Variants in SCN7A observed in about 807,000 individuals in gnomAD.
The protein encoded by SCN7A is sodium voltage-gated channel alpha subunit 7.
SCN7A carries 138 observed loss-of-function variants against 155.2 expected under a neutral mutation model. The observed-to-expected ratio is 0.89, with a 90% CI of 0.77 to 1.02. SCN7A has a LOEUF of 1.02. Ranked by LOEUF, SCN7A falls within the 50% of genes least tolerant of loss-of-function variation. The probability of loss-of-function intolerance (pLI) is 0.00; values close to 1 mark genes in which losing one functional copy is unlikely to be tolerated. For missense variants in SCN7A, 2,058 were observed against 1,986.6 expected (o/e 1.04, Z -0.68); for synonymous variants, 693 against 649.0 (o/e 1.07, Z -1.03).
chr2:166,486,058 T>C (rs1321719560), intron 2 of SCN7A, among the ~76,000 whole-genome samples: 4 of 152,186 alleles, frequency 2.6e-5, no homozygotes, highest in African/African-American at 9.7e-5. Context: ...AGGTCTTTGA[T>C]ACTAATTGTT....
intron 12 of SCN7A, among the ~76,000 whole-genome samples, chr2:166,446,712 C>A (rs1702071345): frequency 6.6e-6 from 1 of 152,100 alleles, no homozygotes; most frequent in Non-Finnish European, 1.5e-5. Context: ...GAGTTTATGT[C>A]CTTTGCAGGG....
Position 166,491,333 on chromosome 2 carries a change from G to A in SCN7A, c.-128+2635C>T, listed in dbSNP as rs73027656. ...CCTGACCCACACCATCATCAGAGCC[G>A]TCCATTGAGCTGGTTATCCTTGTCC... On this transcript the variant is annotated intron_variant, in intron 1 of 25. Transcript: ENST00000643258. Among the ~76,000 whole-genome samples the A allele has an allele frequency of 5.9e-3, 891 of 152,220 alleles. 10 individuals are homozygous for A. Among genetic ancestry groups the A allele is most frequent in the African/African-American group, 0.02 (842 of 41,522 alleles).
chr2:166,439,051 G>GTA (rs1200483058), intron 15 of SCN7A, among the ~76,000 whole-genome samples: 22 of 67,466 alleles, frequency 3.3e-4, no homozygotes, highest in African/African-American at 1.7e-3. Context: ...ATGTGTGTGT[G>GTA]TGTGTATATA....
At chr2:166,421,406 C>G in intron 19 of SCN7A, 109 bp from the exon 20 acceptor site, 1 of 503,798 alleles carries the variant, frequency 2.0e-6, no homozygotes, top group Non-Finnish European at 3.3e-6. Flanking sequence ...AAAAGCTTAC[C>G]AGTAAATTCG....
chr2:166,491,628 T>C (rs751364576), intron 1 of SCN7A, among the ~76,000 whole-genome samples: 37 of 152,216 alleles, frequency 2.4e-4, no homozygotes, highest in South Asian at 6.2e-4. Flanking sequence ...ACTTGTCTGG[T>C]TGGTTAGTCC....
chr2:166,434,751 G>T (rs1461119649), intron 15 of SCN7A, among the ~76,000 whole-genome samples: 1 of 152,070 alleles, frequency 6.6e-6, no homozygotes, highest in South Asian at 2.1e-4. Flanking sequence ...TTCTTCTATT[G>T]TTTGGCTAAG....
intron 23 of SCN7A, among the ~76,000 whole-genome samples, chr2:166,411,657 C>T (rs934818566): frequency 6.6e-6 from 1 of 151,944 alleles, no homozygotes; most frequent in Admixed American, 6.6e-5. Flanking sequence ...CAAATGGCCA[C>T]AGTGCATGAT....
At chr2:166,437,427 A>C (rs2105424402) in intron 15 of SCN7A, among the ~76,000 whole-genome samples, 1 of 152,314 alleles carries the variant, frequency 6.6e-6, no homozygotes, top group Non-Finnish European at 1.5e-5. Flanking sequence ...ACAGGGGCAG[A>C]GCTCTCATGG....
intron 21 of SCN7A, among the ~76,000 whole-genome samples, chr2:166,416,075 C>T (rs1701369126): frequency 6.6e-6 from 1 of 152,080 alleles, no homozygotes; most frequent in South Asian, 2.1e-4. Flanking sequence ...CTGTCCTATG[C>T]AGTTGAGATA....
chr2:166,465,094 C>T (rs1261415502), intron 9 of SCN7A, among the ~76,000 whole-genome samples: 2 of 152,090 alleles, frequency 1.3e-5, no homozygotes, highest in Non-Finnish European at 2.9e-5. Flanking sequence ...TGAATGTGAT[C>T]GATATCCTCA....
At chr2:166,416,031 G>T (rs1308730676) in intron 21 of SCN7A, among the ~76,000 whole-genome samples, 1 of 152,032 alleles carries the variant, frequency 6.6e-6, no homozygotes. Flanking sequence ...TTCATTCCTG[G>T]AGAGAGGTCT....
chr2:166,484,495 G>A (rs986294213), intron 2 of SCN7A, among the ~76,000 whole-genome samples: 3 of 151,796 alleles, frequency 2.0e-5, no homozygotes, highest in Non-Finnish European at 4.4e-5. Context: ...TTTGCAAAAT[G>A]TGTGAAATTC....
At position 166,406,075 on chromosome 2, in the gene SCN7A, G is replaced by T. The variant is rs1166331697; in HGVS notation, c.4554C>A (p.Phe1518Leu). The T allele has an allele frequency of 6.2e-7, 1 of 1,612,490 alleles. No homozygotes were observed. Among genetic ancestry groups the T allele is most frequent in the Non-Finnish European group, 8.5e-7 (1 of 1,179,234 alleles). ...KTLSEDDFRK[F>L]FQVWKRFDPD... ...GATCAAACCTTTTCCATACCTGAAA[G>T]AATTTCCTAAAATCATCTTCACTCA... The change falls in exon 26 of 26, where the codon TTC (phenylalanine) becomes TTA (leucine). Residue 1518 changes from phenylalanine (F) to leucine (L), a missense_variant. Transcript: ENST00000643258.
chr2:166,435,253 C>A (rs1443399896), intron 15 of SCN7A, among the ~76,000 whole-genome samples: 1 of 152,014 alleles, frequency 6.6e-6, no homozygotes, highest in Admixed American at 6.6e-5. Context: ...AAAAGACAGG[C>A]TGTGTAAGTG....
intron 15 of SCN7A, among the ~76,000 whole-genome samples, chr2:166,437,190 A>C (rs10204196): frequency 0.11 from 16,979 of 152,216 alleles, 1,272 homozygotes; most frequent in African/African-American, 0.2. Context: ...TGCTGTGTGC[A>C]GCCTAGGGAC....
At chr2:166,473,959 C>A in intron 4 of SCN7A, 71 bp from the exon 5 acceptor site, 2 of 798,026 alleles carry the variant, frequency 2.5e-6, no homozygotes, top group Non-Finnish European at 3.8e-6. Flanking sequence ...ATATATATTT[C>A]TTAAATGTTG....
At chr2:166,469,032 C>T (rs1381875797) in intron 7 of SCN7A, among the ~76,000 whole-genome samples, 1 of 150,164 alleles carries the variant, frequency 6.7e-6, no homozygotes, top group African/African-American at 2.4e-5. Flanking sequence ...AAGCTGATCT[C>T]TTTCATTTGT....
rs544960882 is a variant in SCN7A, at chr2:166,420,539, C to T, written c.3135+651G>A. ...CAGACTCCATTTTTTTCTATTAGGT[C>T]GAGCATTATGGGATTTCCATTTCAG... On this transcript the variant is annotated intron_variant, in intron 20 of 25. Coordinates refer to ENST00000643258, the MANE Select transcript of SCN7A (RefSeq NM_002976.4). 1.2e-4 allele frequency among the ~76,000 whole-genome samples: 19 copies of T among 152,064 alleles called. No individual in the cohort carries two copies. The South Asian group carries it at 2.9e-3, about 23-fold the overall frequency.
chr2:166,490,866 C>T (rs547042562), intron 1 of SCN7A, among the ~76,000 whole-genome samples: 9 of 152,302 alleles, frequency 5.9e-5, no homozygotes, highest in Non-Finnish European at 1.2e-4. Flanking sequence ...TATAGATGTC[C>T]ATCCCCTTCT....
Sources: gnomAD v4.1 joint callset for allele counts (sites outside exome capture counted in the v4.1 genomes callset) on GRCh38, gnomAD v4.1.1 for gene constraint, MANE v1.5 for transcripts, NCBI Gene and HGNC (gene_info 2026-07-23, HGNC 2026-07-21) for gene names.